TOMM70: variants seen among roughly 807,000 people sequenced by gnomAD.
TOMM70 encodes the protein mitochondrial import receptor subunit TOM70.
A neutral mutation model predicts 73.6 loss-of-function variants in TOMM70; 13 were observed. That is an observed-to-expected ratio of 0.18 (90% CI 0.11 to 0.28). The LOEUF (loss-of-function observed/expected upper bound fraction) is 0.28, where lower values mean the gene tolerates loss of function less well. Ranked by LOEUF, TOMM70 falls within the 10% of genes least tolerant of loss-of-function variation. The pLI, the probability that TOMM70 is intolerant of heterozygous loss-of-function variation, is 1.00. For synonymous variants in TOMM70, 257 were observed against 271.2 expected (o/e 0.95, Z 0.51); for missense variants, 609 against 747.5 (o/e 0.81, Z 2.16).
chr3:100,374,440 T>C (rs1465522943), intron 7 of TOMM70, among the ~76,000 whole-genome samples: 1 of 152,208 alleles, frequency 6.6e-6, no homozygotes, highest in African/African-American at 2.4e-5. Context: ...TCTTCTGTTA[T>C]TATTAATGCA....
At chr3:100,385,187 C>G (rs544770504) in intron 3 of TOMM70, among the ~76,000 whole-genome samples, 1 of 152,340 alleles carries the variant, frequency 6.6e-6, no homozygotes, top group Admixed American at 6.5e-5. Context: ...TCAAGTCAAT[C>G]TGCTGATATA....
At chr3:100,387,072 A>T in intron 1 of TOMM70, 94 bp from the exon 2 acceptor site, 1 of 1,292,476 alleles carries the variant, frequency 7.7e-7, no homozygotes, top group Non-Finnish European at 1.1e-6. Context: ...ACAGGAAGAC[A>T]GAATGGCTGT....
At chr3:100,369,328 C>CTT (rs1465869077) in intron 9 of TOMM70, among the ~76,000 whole-genome samples, 193 bp from the exon 10 acceptor site, 1 of 152,150 alleles carries the variant, frequency 6.6e-6, no homozygotes, top group Non-Finnish European at 1.5e-5. Flanking sequence ...AATATGAAAT[C>CTT]TTAACTATCC....
intron 4 of TOMM70, among the ~76,000 whole-genome samples, chr3:100,384,138 A>G (rs1576215388): frequency 2.0e-5 from 3 of 152,292 alleles, no homozygotes; most frequent in East Asian, 3.9e-4. Flanking sequence ...CAACCACTCA[A>G]CTCCGCTGTT....
intron 7 of TOMM70, among the ~76,000 whole-genome samples, chr3:100,374,076 T>C (rs1706538221): frequency 6.6e-6 from 1 of 152,194 alleles, no homozygotes; most frequent in Non-Finnish European, 1.5e-5. Context: ...AGAAATACAG[T>C]CATGCATATT....
chr3:100,372,592 GA>G lies in TOMM70; in HGVS notation c.1452+13del, dbSNP rs756278533. On this transcript the variant is annotated intron_variant, in intron 9 of 11. Coordinates refer to ENST00000284320, the MANE Select transcript of TOMM70 (RefSeq NM_014820.5). Reference sequence around the variant, plus strand: ...GTATGCAGTTATTTTTAAAAAACCTGAAAAAACATTTACCTGGGCGTATAGT... The same window carrying G: ...GTATGCAGTTATTTTTAAAAAACCTGAAAAACATTTACCTGGGCGTATAGT... The G allele has an allele frequency of 1.3e-5, 20 of 1,591,712 alleles. No individual in the cohort carries two copies. The highest frequency in any genetic ancestry group is 1.6e-5 in the Non-Finnish European group (19 of 1,168,630).
At chr3:100,396,301 C>A (rs1431978960) in intron 1 of TOMM70, among the ~76,000 whole-genome samples, 4 of 152,142 alleles carry the variant, frequency 2.6e-5, no homozygotes, top group Non-Finnish European at 4.4e-5. Flanking sequence ...CTTCCCTTTC[C>A]TACTGTAGTA....
At chr3:100,397,035 C>A (rs576217206) in intron 1 of TOMM70, among the ~76,000 whole-genome samples, 27 of 152,182 alleles carry the variant, frequency 1.8e-4, no homozygotes, top group Non-Finnish European at 3.5e-4. Flanking sequence ...TGATATCAAA[C>A]CCTAAACAGA....
At chr3:100,371,125 T>C (rs1706505249) in intron 9 of TOMM70, among the ~76,000 whole-genome samples, 1 of 152,146 alleles carries the variant, frequency 6.6e-6, no homozygotes, top group East Asian at 1.9e-4. Flanking sequence ...TTTCTCATAG[T>C]TCCACCCTCA....
intron 10 of TOMM70, 147 bp from the exon 11 acceptor site, chr3:100,368,313 G>T (rs1706469162): frequency 4.0e-6 from 4 of 1,002,058 alleles, no homozygotes; most frequent in South Asian, 2.3e-5. Flanking sequence ...ATCAAATTGT[G>T]TTTTTTTTCT....
At chr3:100,392,402 A>C (rs34645158) in intron 1 of TOMM70, among the ~76,000 whole-genome samples, 36,154 of 152,062 alleles carry the variant, frequency 0.24, 5,357 homozygotes, top group South Asian at 0.37. Context: ...ATATCTTTTC[A>C]AACAGTATGG....
chr3:100,368,133 A>C lies in TOMM70; in HGVS notation c.1584T>G (p.Asp528Glu), dbSNP rs769036166. The change falls in exon 11 of 12, where the codon GAT (aspartate) becomes GAG (glutamate). Residue 528 changes from aspartate (D) to glutamate (E), a missense_variant. By Grantham distance (45) the Asp-to-Glu change is conservative. Around this residue, in one of 2 missense-constraint regions of TOMM70, gnomAD observed 432 missense variants for 584.1 expected, o/e 0.74. Coordinates refer to ENST00000284320, the MANE Select transcript of TOMM70 (RefSeq NM_014820.5). ...CCTTGCTGATAAGTTCCAAACCTCT[A>C]TCCAGATCTTGCTTCCACTGAAGTT... ...LLQLQWKQDL[D>E]RGLELISKAI... 1 of 1,612,656 alleles carries C rather than the reference A, an allele frequency of 6.2e-7. No individual in the cohort carries two copies. Among genetic ancestry groups the C allele is most frequent in the Non-Finnish European group, 8.5e-7 (1 of 1,179,700 alleles).
At chr3:100,388,677 C>T (rs920829718) in intron 1 of TOMM70, among the ~76,000 whole-genome samples, 3 of 152,034 alleles carry the variant, frequency 2.0e-5, no homozygotes, top group African/African-American at 7.2e-5. Flanking sequence ...AGGCCCCCAA[C>T]TCAAATATAA....
Position 100,375,168 on chromosome 3 carries a change from G to A in TOMM70, c.1093-16C>T, listed in dbSNP as rs1706548222. ...TTGCTCGAAGCTATATACCCCAAGT[G>A]AGGAAAGGTTCATCATTACTTTTTT... On this transcript the variant is annotated splice_polypyrimidine_tract_variant and intron_variant, in intron 6 of 11. Coordinates refer to ENST00000284320, the MANE Select transcript of TOMM70 (RefSeq NM_014820.5). 1.9e-6 allele frequency: 3 copies of A among 1,545,718 alleles called. No individual in the cohort carries two copies. Among genetic ancestry groups the A allele is most frequent in the East Asian group, 2.4e-5 (1 of 42,212 alleles).
chr3:100,388,626 G>A (rs1015262595), intron 1 of TOMM70, among the ~76,000 whole-genome samples: 1 of 151,976 alleles, frequency 6.6e-6, no homozygotes, highest in African/African-American at 2.4e-5. Flanking sequence ...CCACACAATC[G>A]AGAATTGCTA....
At position 100,363,783 on chromosome 3, in the gene TOMM70, G is replaced by T. The variant is rs993802734; in HGVS notation, c.*1781C>A. On this transcript the variant is annotated 3_prime_UTR_variant, in exon 12 of 12. Coordinates refer to ENST00000284320, the MANE Select transcript of TOMM70 (RefSeq NM_014820.5). ...CTGTATTTGGGGGTTATCAGAAGGT[G>T]CATAATTTAAAAACAAAATGCAGCG... The T allele has an allele frequency of 1.3e-5, 2 of 152,366 alleles. No homozygotes were observed. The highest frequency in any genetic ancestry group is 4.8e-5 in the African/African-American group (2 of 41,450). 9.4% of individuals were successfully genotyped at this position (152,366 alleles called of 1,614,324 possible). A position where few individuals can be genotyped will look rare whatever the true frequency, so the allele number is the denominator to read the frequency against.
intron 1 of TOMM70, among the ~76,000 whole-genome samples, chr3:100,399,223 G>A (rs1213313569): frequency 1.3e-5 from 2 of 150,828 alleles, no homozygotes; most frequent in Non-Finnish European, 2.9e-5. Flanking sequence ...AGGTGGTGGT[G>A]AGCTGAGATC....
intron 1 of TOMM70, among the ~76,000 whole-genome samples, chr3:100,394,515 T>C (rs1282001966): frequency 6.6e-6 from 1 of 152,114 alleles, no homozygotes; most frequent in Non-Finnish European, 1.5e-5. Context: ...ACTTTCTTTC[T>C]TTTTTTGAGA....
At position 100,386,357 on chromosome 3, in the gene TOMM70, G is replaced by C; in HGVS notation, c.499-13C>G. The C allele has an allele frequency of 6.3e-7, 1 of 1,588,184 alleles. No homozygotes were observed. The highest frequency in any genetic ancestry group is 8.6e-7 in the Non-Finnish European group (1 of 1,169,066). On this transcript the variant is annotated splice_polypyrimidine_tract_variant and intron_variant, in intron 2 of 11. Transcript: ENST00000284320. ...CTTTCCATTTTTGCTGTAATTGAAA[G>C]TATTTAAAAAAAGTCACACTAAAGA...
Sources: gnomAD v4.1 joint callset for allele counts (sites outside exome capture counted in the v4.1 genomes callset) on GRCh38, gnomAD v4.1.1 for gene constraint, gnomAD v4.1.1 regional missense constraint, MANE v1.5 for transcripts, NCBI Gene and HGNC (gene_info 2026-07-23, HGNC 2026-07-21) for gene names.